PLAA: variants seen among roughly 807,000 people sequenced by gnomAD.
The protein encoded by PLAA is phospholipase A2 activating protein, also known as phospholipase A-2-activating protein.
A neutral mutation model predicts 84.1 loss-of-function variants in PLAA; 48 were observed. The observed-to-expected ratio is 0.57, with a 90% CI of 0.45 to 0.73. The LOEUF is 0.73. PLAA is among the 30% of genes least tolerant of loss of function. PLAA has a pLI of 0.00. For synonymous variants in PLAA, 392 were observed against 336.6 expected, an observed-to-expected ratio of 1.16 and a Z score of -1.80; for missense variants, 903 against 954.7, an observed-to-expected ratio of 0.95 and a Z score of 0.71.
rs531440565 is a variant in PLAA, at chr9:26,922,204, T to A, written c.1039+974A>T. Among the ~76,000 whole-genome samples, 12 of 152,290 alleles carry A rather than the reference T, an allele frequency of 7.9e-5. No homozygotes were observed. The East Asian group carries it at 2.3e-3, about 29-fold the overall frequency. On this transcript the variant is annotated intron_variant, in intron 7 of 13. Transcript: ENST00000397292. ...GAATATTTAAAAAGATGTGTCAAAA[T>A]GTAATAAAACTGATAATTCTTAATA...
At chr9:26,913,049 C>A (rs146913553) in intron 11 of PLAA, among the ~76,000 whole-genome samples, 18 of 152,130 alleles carry the variant, frequency 1.2e-4, no homozygotes, top group South Asian at 6.2e-4. Context: ...AAAACAAGAT[C>A]CCATCTCAAA....
Position 26,905,547 on chromosome 9 carries a change from T to G in PLAA, c.2352A>C (p.Val784=). The change falls in exon 14 of 14, where the codon GTA becomes GTC. Residue 784 remains valine, a synonymous_variant. Transcript: ENST00000397292. ...KYSSVSEPAK[V]SECCRFILNL... ...TTAGGATAAATCTACAGCATTCACT[T>G]ACTTTAGCTGGTTCTGATACTGAGG... The G allele has an allele frequency of 3.1e-6, 5 of 1,613,124 alleles. No homozygotes were observed. The highest frequency in any genetic ancestry group is 1.1e-5 in the South Asian group (1 of 90,808).
chr9:26,947,065 C>A lies in PLAA; in HGVS notation c.-20G>T. On this transcript the variant is annotated 5_prime_UTR_variant, in exon 1 of 14. Transcript: ENST00000397292. Reference sequence around the variant, plus strand: ...CGTCATGGCCAGTGTCTGTCTGGCGCCCGGTGCCCAGGCACTGTGCGAGAC... The same window carrying A: ...CGTCATGGCCAGTGTCTGTCTGGCGACCGGTGCCCAGGCACTGTGCGAGAC... 1 of 1,557,988 alleles carries A rather than the reference C, an allele frequency of 6.4e-7. No homozygotes were observed. Among genetic ancestry groups the A allele is most frequent in the Non-Finnish European group, 8.7e-7 (1 of 1,152,706 alleles).
intron 2 of PLAA, among the ~76,000 whole-genome samples, chr9:26,929,199 C>CT (rs1371381011): frequency 6.6e-6 from 1 of 151,416 alleles, no homozygotes; most frequent in Non-Finnish European, 1.5e-5. Flanking sequence ...AAGATTCTGT[C>CT]TTTAAAAAAA....
intron 11 of PLAA, among the ~76,000 whole-genome samples, chr9:26,911,794 T>C (rs1168720188): frequency 6.6e-6 from 1 of 152,220 alleles, no homozygotes; most frequent in Non-Finnish European, 1.5e-5. Context: ...TTTGTTCAAA[T>C]GTACAGTTAA....
chr9:26,925,935 T>C lies in PLAA; in HGVS notation c.759A>G (p.Arg253=). 1.2e-6 allele frequency: 2 copies of C among 1,613,570 alleles called. No homozygotes were observed. The highest frequency in any genetic ancestry group is 1.7e-6 in the Non-Finnish European group (2 of 1,179,460). ...CCCCATGTTTCCAGATTCTCAGAGA[T>C]CTGTCCTCTGCTGTTGTCACAAAGT... is the stretch of plus-strand genomic sequence containing the variant. ...CRDFVTTAED[R]SLRIWKHGEC... Residue 253 remains arginine, a synonymous_variant, in exon 6 of 14, where the codon AGA becomes AGG. Transcript: ENST00000397292.
At chr9:26,913,547 A>G (rs568594400) in intron 11 of PLAA, among the ~76,000 whole-genome samples, 1 of 152,326 alleles carries the variant, frequency 6.6e-6, no homozygotes, top group South Asian at 2.1e-4. Context: ...CGACAGTAAA[A>G]CAGTAGTTTC....
At chr9:26,919,643 T>C (rs1824691169) in intron 8 of PLAA, 114 bp from the exon 9 acceptor site, 1 of 654,254 alleles carries the variant, frequency 1.5e-6, no homozygotes, top group Non-Finnish European at 2.6e-6. Flanking sequence ...TTAAACTTTC[T>C]CCAAAGTGCA....
chr9:26,932,003 C>G (rs1825200645), intron 2 of PLAA, among the ~76,000 whole-genome samples: 1 of 152,210 alleles, frequency 6.6e-6, no homozygotes, highest in Non-Finnish European at 1.5e-5. Context: ...AGGAGAATCA[C>G]TTGAATCCAG....
chr9:26,915,770 T>G lies in PLAA; in HGVS notation c.1486+1327A>C, dbSNP rs151328733. ...ACTGACATTATGGAACAGTGAGATA[T>G]GCTCTGGTTATAATGGCCCCAGGAG... On this transcript the variant is annotated intron_variant, in intron 10 of 13. Coordinates refer to ENST00000397292, the MANE Select transcript of PLAA (RefSeq NM_001031689.3). 22 of 985,394 alleles carry G rather than the reference T, an allele frequency of 2.2e-5. 1 individual carries two copies. The Admixed American group carries it at 1.4e-3, about 61-fold the overall frequency. 61.0% of individuals were successfully genotyped at this position (985,394 alleles called of 1,614,324 possible). A position where few individuals can be genotyped will look rare whatever the true frequency, so the allele number is the denominator to read the frequency against.
chr9:26,940,424 C>T (rs549025874), intron 1 of PLAA, among the ~76,000 whole-genome samples: 1 of 152,320 alleles, frequency 6.6e-6, no homozygotes, highest in East Asian at 1.9e-4. Flanking sequence ...TATGATCCCA[C>T]TTATATGTGG....
intron 2 of PLAA, among the ~76,000 whole-genome samples, chr9:26,934,463 C>G (rs969747951): frequency 1.4e-5 from 2 of 143,048 alleles, no homozygotes; most frequent in Non-Finnish European, 1.5e-5. Context: ...TCTTTTATTA[C>G]TGAACACTTT....
chr9:26,908,311 C>T (rs148620368), intron 12 of PLAA, among the ~76,000 whole-genome samples: 203 of 151,222 alleles, frequency 1.3e-3, no homozygotes, highest in African/African-American at 4.7e-3. Flanking sequence ...GGACTATAGG[C>T]GCCTGCCACC....
intron 10 of PLAA, among the ~76,000 whole-genome samples, chr9:26,915,354 C>A (rs1824516156): frequency 6.6e-6 from 1 of 152,114 alleles, no homozygotes; most frequent in Middle Eastern, 3.4e-3. Context: ...GGCCATAGAA[C>A]CCTGGGATAA....
At position 26,923,216 on chromosome 9, in the gene PLAA, G is replaced by T; in HGVS notation, c.1001C>A (p.Ala334Asp). The stretch of plus-strand genomic sequence containing the variant: ...ATGTTCCCTCCCAGGAAGCTGCTCA[G>T]CATTGATGTCCCCTAAATCGCCAGT... ...SKTGDLGDIN[A>D]EQLPGREHLN... is the part of the protein sequence containing the mutation. Residue 334 changes from alanine to aspartate, a missense_variant, in exon 7 of 14, where the codon GCT (alanine) becomes GAT (aspartate). Ala to Asp is a moderately radical substitution (Grantham distance 126). Transcript: ENST00000397292. The T allele has an allele frequency of 6.2e-7, 1 of 1,612,576 alleles. No homozygotes were observed. Among genetic ancestry groups the T allele is most frequent in the Non-Finnish European group, 8.5e-7 (1 of 1,178,962 alleles).
chr9:26,905,451 T>C lies in PLAA; in HGVS notation c.*60A>G. 8.4e-7 allele frequency: 1 copy of C among 1,195,142 alleles called. No individual in the cohort carries two copies. The highest frequency in any genetic ancestry group is 1.5e-5 in the South Asian group (1 of 68,928). 74.0% of individuals were successfully genotyped at this position (1,195,142 alleles called of 1,614,324 possible). On this transcript the variant is annotated 3_prime_UTR_variant, in exon 14 of 14. Coordinates refer to ENST00000397292, the MANE Select transcript of PLAA (RefSeq NM_001031689.3). ...TTTTTTAATTATCTGTTATCAGTCATGTCAAATGTGAGGAAAAAAACACTA... is the reference window on the plus strand; with the variant it reads ...TTTTTTAATTATCTGTTATCAGTCACGTCAAATGTGAGGAAAAAAACACTA...
chr9:26,910,585 T>C (rs2131367384), intron 11 of PLAA, 146 bp from the exon 12 acceptor site: 1 of 452,070 alleles, frequency 2.2e-6, no homozygotes, highest in Non-Finnish European at 3.8e-6. Flanking sequence ...GGGAAAAATA[T>C]CCAAAATATT....
At chr9:26,940,034 A>G (rs2131423289) in intron 1 of PLAA, among the ~76,000 whole-genome samples, 1 of 152,334 alleles carries the variant, frequency 6.6e-6, no homozygotes, top group South Asian at 2.1e-4. Flanking sequence ...ATCAACTAGA[A>G]CTAACAGACA....
At chr9:26,913,086 A>T (rs769353398) in intron 11 of PLAA, among the ~76,000 whole-genome samples, 1 of 152,128 alleles carries the variant, frequency 6.6e-6, no homozygotes, top group African/African-American at 2.4e-5. Flanking sequence ...AACACATGCT[A>T]GGTTAGTTAT....
Sources: gnomAD v4.1 joint callset for allele counts (sites outside exome capture counted in the v4.1 genomes callset) on GRCh38, gnomAD v4.1.1 for gene constraint, MANE v1.5 for transcripts, NCBI Gene and HGNC (gene_info 2026-07-23, HGNC 2026-07-21) for gene names.